DOP1B: variants seen among roughly 807,000 people sequenced by gnomAD.
DOP1B encodes the protein protein DOP1B.
DOP1B carries 174 observed loss-of-function variants against 233.5 expected under a neutral mutation model. That is an observed-to-expected ratio of 0.75 (90% CI 0.66 to 0.85). DOP1B has a LOEUF of 0.85. DOP1B is among the 40% of genes least tolerant of loss of function. The pLI, the probability that DOP1B is intolerant of heterozygous loss-of-function variation, is 0.00. For missense variants in DOP1B, 2,652 were observed against 2,846.6 expected (o/e 0.93, Z 1.56); for synonymous variants, 1,190 against 1,185.6 (o/e 1.00, Z -0.08).
chr21:36,291,936 C>G (rs560109015), intron 35 of DOP1B, among the ~76,000 whole-genome samples, 168 bp from the exon 36 acceptor site: 59 of 152,040 alleles, frequency 3.9e-4, no homozygotes, highest in African/African-American at 1.2e-3. Context: ...ATGAAATACT[C>G]TAAAATTGAT....
chr21:36,244,636 G>A (rs2123587070), intron 18 of DOP1B, among the ~76,000 whole-genome samples: 1 of 152,208 alleles, frequency 6.6e-6, no homozygotes, highest in East Asian at 1.9e-4. Flanking sequence ...ATTTTGGCGA[G>A]GCTGATCTCG....
intron 18 of DOP1B, among the ~76,000 whole-genome samples, chr21:36,242,167 A>G (rs1032319848): frequency 5.4e-5 from 8 of 148,600 alleles, no homozygotes; most frequent in South Asian, 2.1e-4. Context: ...TATTATTATT[A>G]TTATTATTAT....
At chr21:36,253,931 C>T (rs2067063189) in intron 23 of DOP1B, 22 bp downstream of exon 23, 3 of 1,608,708 alleles carry the variant, frequency 1.9e-6, no homozygotes, top group Non-Finnish European at 2.5e-6. Context: ...GGGGAAGCCT[C>T]TGGGCTTCTG....
intron 30 of DOP1B, 152 bp downstream of exon 30, chr21:36,278,507 A>G: frequency 2.8e-6 from 2 of 727,242 alleles, no homozygotes; most frequent in South Asian, 1.9e-5. Flanking sequence ...CATGTTGACC[A>G]TGTGTTCATG....
rs145157200 is a variant in DOP1B, at chr21:36,191,052, G to C, written c.139-8018G>C. Among the ~76,000 whole-genome samples the C allele has an allele frequency of 3.3e-5, 5 of 152,288 alleles. No homozygotes were observed. In the East Asian group the frequency reaches 9.7e-4, roughly 29 times the overall value. On this transcript the variant is annotated intron_variant, in intron 2 of 36. Transcript: ENST00000691173. ...GCAGGAGCTCTTGCTTCTCCTCCTA[G>C]ATGAGAGTTAGAAGGAATTTGAGAG...
At chr21:36,170,325 C>T (rs142760797) in intron 2 of DOP1B, 10,221 of 282,306 alleles carry the variant, frequency 0.036, 587 homozygotes, top group African/African-American at 0.15. Flanking sequence ...AGGCCTGGCG[C>T]GGTGGCTCAT....
Position 36,214,511 on chromosome 21 carries a change from A to G in DOP1B, c.1084A>G (p.Lys362Glu), listed in dbSNP as rs558569206. Residue 362 changes from lysine (K) to glutamate (E), a missense_variant, in exon 9 of 37, where the codon AAG becomes GAG. By Grantham distance (56) the Lys-to-Glu change is moderately conservative. Transcript: ENST00000691173. ...GGAGGAACGCCATCATGCATACCTG[A>G]AGCCTTTTCGCGTCCTCATCAGTCT... ...DVEERHHAYL[K>E]PFRVLISLLD... 2 of 1,614,024 alleles carry G rather than the reference A, an allele frequency of 1.2e-6. No homozygotes were observed. Among genetic ancestry groups the G allele is most frequent in the East Asian group, 4.5e-5 (2 of 44,876 alleles).
chr21:36,293,572 C>T lies in DOP1B; in HGVS notation c.*1C>T, dbSNP rs1298256478. On this transcript the variant is annotated 3_prime_UTR_variant, in exon 37 of 37. Coordinates refer to ENST00000691173, the MANE Select transcript of DOP1B (RefSeq NM_001320714.2). ...TTTTCTGGAACATCCAGAATGTTAA[C>T]CATGTGAGAGAGAATATGTTTAATC... is the stretch of plus-strand genomic sequence containing the variant. The T allele has an allele frequency of 1.2e-6, 2 of 1,613,776 alleles. No homozygotes were observed. The highest frequency in any genetic ancestry group is 1.7e-6 in the Non-Finnish European group (2 of 1,179,754).
Position 36,261,092 on chromosome 21 carries a change from C to T in DOP1B, c.5315+360C>T, listed in dbSNP as rs915299878. ...AGAAAAAGGAGAAATGGGCCAGGCG[C>T]GGTGGCTCACACCTGCAATCCCAGC... On this transcript the variant is annotated intron_variant, in intron 24 of 36. Coordinates refer to ENST00000691173, the MANE Select transcript of DOP1B (RefSeq NM_001320714.2). The T allele has an allele frequency of 6.9e-5, 70 of 1,010,848 alleles. No homozygotes were observed. The South Asian group carries it at 1.5e-3, about 21-fold the overall frequency. 62.6% of individuals were successfully genotyped at this position (1,010,848 alleles called of 1,614,324 possible).
rs2066783757 is a variant in DOP1B at position 36,232,903 on chromosome 21, T to A, written c.2450T>A (p.Leu817Gln). ...CYLQNVAISTLLEVINHSQSL... is the reference protein window; with the variant it reads ...CYLQNVAISTQLEVINHSQSL... ...CTCCAGAACGTGGCCATTTCCACTC[T>A]GCTGGAAGTGATAAACCATTCCCAG... The change falls in exon 15 of 37, where the codon CTG (leucine) becomes CAG (glutamine). Residue 817 changes from leucine to glutamine, a missense_variant. By Grantham distance (113) the Leu-to-Gln change is moderately radical. Around this residue, in one of 3 missense-constraint regions of DOP1B, gnomAD observed 2,617 missense variants for 2,794.3 expected, o/e 0.94. Coordinates refer to ENST00000691173, the MANE Select transcript of DOP1B (RefSeq NM_001320714.2). 1 of 1,613,990 alleles carries A rather than the reference T, an allele frequency of 6.2e-7. No homozygotes were observed. The highest frequency in any genetic ancestry group is 1.3e-5 in the African/African-American group (1 of 74,910).
At chr21:36,190,509 C>T (rs1409273166) in intron 2 of DOP1B, among the ~76,000 whole-genome samples, 2 of 151,838 alleles carry the variant, frequency 1.3e-5, no homozygotes, top group Non-Finnish European at 2.9e-5. Flanking sequence ...GTGATCCTCC[C>T]ACCTCAGTCT....
intron 18 of DOP1B, among the ~76,000 whole-genome samples, chr21:36,244,082 A>T (rs2066925449): frequency 8.4e-6 from 1 of 118,842 alleles, no homozygotes; most frequent in Admixed American, 1.2e-4. Context: ...TCTGGAGTGT[A>T]GTGGCATGAT....
At position 36,217,907 on chromosome 21, in the gene DOP1B, A is replaced by G. The variant is rs551062728; in HGVS notation, c.1130-1465A>G. 3.3e-5 allele frequency among the ~76,000 whole-genome samples: 5 copies of G among 152,350 alleles called. No individual in the cohort carries two copies. In the East Asian group the frequency reaches 9.6e-4, roughly 29 times the overall value. On this transcript the variant is annotated intron_variant, in intron 9 of 36. Coordinates refer to ENST00000691173, the MANE Select transcript of DOP1B (RefSeq NM_001320714.2). ...GAGATGTGTGTTTTATGTCAAAGCCATGCACCTTGGTGAGCCAAGTAAACG... is the reference window on the plus strand; with the variant it reads ...GAGATGTGTGTTTTATGTCAAAGCCGTGCACCTTGGTGAGCCAAGTAAACG...
intron 2 of DOP1B, among the ~76,000 whole-genome samples, chr21:36,197,975 A>G (rs1258008285): frequency 6.7e-6 from 1 of 149,086 alleles, no homozygotes; most frequent in Non-Finnish European, 1.5e-5. Flanking sequence ...AGCCAAGATC[A>G]TGCCATTGCA....
chr21:36,182,463 C>G (rs1031599784), intron 2 of DOP1B, among the ~76,000 whole-genome samples: 1 of 152,174 alleles, frequency 6.6e-6, no homozygotes, highest in African/African-American at 2.4e-5. Flanking sequence ...TGCAGGGTGG[C>G]TTCTGGAAAG....
chr21:36,219,483 C>A lies in DOP1B; in HGVS notation c.1241C>A (p.Ser414Ter). 6.2e-7 allele frequency: 1 copy of A among 1,614,030 alleles called. No individual in the cohort carries two copies. Among genetic ancestry groups the A allele is most frequent in the South Asian group, 1.1e-5 (1 of 91,074 alleles). ...LKLSYTQSGN[S>*]LISAIKENRN... Reference sequence around the variant, plus strand: ...CTTAGCTACACCCAGAGTGGAAATTCGCTGATAAGGTATGGGTTTGGCCTT... The same window carrying A: ...CTTAGCTACACCCAGAGTGGAAATTAGCTGATAAGGTATGGGTTTGGCCTT... The change falls in exon 10 of 37, where the codon TCG becomes TAG. Residue 414 changes from serine (S) to a stop codon, truncating the protein, a stop_gained. Transcript: ENST00000691173. LOFTEE classifies it high-confidence loss of function.
rs1285686622 is a variant in DOP1B, at chr21:36,246,792, GC to G, written c.4697+117del. The G allele has an allele frequency of 1.2e-5, 16 of 1,290,058 alleles. No homozygotes were observed. In the Admixed American group the frequency reaches 3.9e-4, roughly 31 times the overall value. The allele number at this position is 1,290,058 out of a possible 1,614,324, so 79.9% of individuals were successfully genotyped here. A position where few individuals can be genotyped will look rare whatever the true frequency, so the allele number is the denominator to read the frequency against. ...GAGGATAATTTCATCCCAATGAGAA[GC>G]CTGTTTAGCATTATCAAGAGGGGTA... is the stretch of plus-strand genomic sequence containing the variant. On this transcript the variant is annotated intron_variant, in intron 19 of 36. Transcript: ENST00000691173. This position sits in a 1 kb window ranked among gnomAD's most constrained non-coding sequence, Gnocchi z 5.1.
chr21:36,263,646 C>T lies in DOP1B; in HGVS notation c.5416C>T (p.Leu1806Phe), dbSNP rs752414959. The part of the protein sequence containing the change: ...NLAPPGYFLL[L>F]SMLNDFVTRT... ...AGCCCCACCTGGGTATTTTCTGCTT[C>T]TCAGGTATCATGTCACCACATTGTC... Residue 1806 changes from leucine to phenylalanine, a missense_variant, in exon 25 of 37, where the codon CTC becomes TTC. This residue lies in a region of DOP1B where 2,617 missense variants were observed against 2,794.3 expected (regional missense o/e 0.94). Transcript: ENST00000691173. The T allele has an allele frequency of 1.2e-6, 2 of 1,613,866 alleles. No individual in the cohort carries two copies. The highest frequency in any genetic ancestry group is 1.3e-5 in the African/African-American group (1 of 74,936).
intron 31 of DOP1B, 83 bp downstream of exon 31, chr21:36,280,429 C>A: frequency 1.0e-6 from 1 of 977,822 alleles, no homozygotes; most frequent in South Asian, 1.5e-5. Flanking sequence ...TATTTCCGAA[C>A]CCTACTCACA....
Sources: gnomAD v4.1 joint callset for allele counts (sites outside exome capture counted in the v4.1 genomes callset) on GRCh38, gnomAD v4.1.1 for gene constraint, gnomAD v4.1.1 regional missense constraint, Gnocchi (gnomAD v3.1) non-coding constraint, MANE v1.5 for transcripts, NCBI Gene and HGNC (gene_info 2026-07-23, HGNC 2026-07-21) for gene names.